ARHGAP25: variants seen among roughly 807,000 people sequenced by gnomAD.
ARHGAP25 encodes the protein rho GTPase-activating protein 25.
In ARHGAP25, 34 loss-of-function variants were observed where a neutral mutation model predicts 71.0. The ratio of observed to expected loss-of-function variants is 0.48; its 90% CI spans 0.36 to 0.64. ARHGAP25 has a LOEUF of 0.64. ARHGAP25 is among the 30% of genes least tolerant of loss of function. ARHGAP25 has a pLI of 0.00. For synonymous variants in ARHGAP25, 282 were observed against 296.5 expected (o/e 0.95, Z 0.50); for missense variants, 706 against 805.1 (o/e 0.88, Z 1.49).
At position 68,775,286 on chromosome 2, in the gene ARHGAP25, C is replaced by G; in HGVS notation, c.127C>G (p.Pro43Ala). The G allele has an allele frequency of 6.2e-7, 1 of 1,614,264 alleles. No individual in the cohort carries two copies. The highest frequency in any genetic ancestry group is 8.5e-7 in the Non-Finnish European group (1 of 1,180,052). Residue 43 changes from proline to alanine, a missense_variant, in exon 2 of 11, where the codon CCG becomes GCG. By Grantham distance (27) the Pro-to-Ala change is conservative. Transcript: ENST00000409202. ...AAFHPSSTPN[P>A]LERPIKMGWL... ...CTTCCATCCATCGTCCACCCCCAACCCGCTGGAGAGGCCCATCAAGATGGG... is the reference window on the plus strand; with the variant it reads ...CTTCCATCCATCGTCCACCCCCAACGCGCTGGAGAGGCCCATCAAGATGGG...
intron 1 of ARHGAP25, 109 bp downstream of exon 1, chr2:68,735,369 A>G (rs1359359854): frequency 8.3e-7 from 1 of 1,206,042 alleles, no homozygotes; most frequent in Non-Finnish European, 1.2e-6. Context: ...ATCTCGCAGC[A>G]AATCTGAGTT....
intron 4 of ARHGAP25, among the ~76,000 whole-genome samples, chr2:68,790,524 G>A (rs764483921): frequency 1.1e-4 from 17 of 152,176 alleles, no homozygotes; most frequent in African/African-American, 1.4e-4. Flanking sequence ...AATCTCTAAC[G>A]TGGGTTGACT....
At chr2:68,811,093 C>G (rs1680779553) in intron 5 of ARHGAP25, among the ~76,000 whole-genome samples, 1 of 152,186 alleles carries the variant, frequency 6.6e-6, no homozygotes, top group Non-Finnish European at 1.5e-5. Flanking sequence ...CTTTCAAACT[C>G]TGTTTTCTTC....
chr2:68,797,525 T>C (rs1354951383), intron 4 of ARHGAP25, among the ~76,000 whole-genome samples: 1 of 152,144 alleles, frequency 6.6e-6, no homozygotes, highest in South Asian at 2.1e-4. Flanking sequence ...TCCTCTTGCT[T>C]AGGACCTGGG....
chr2:68,784,335 G>A (rs958776271), intron 3 of ARHGAP25, among the ~76,000 whole-genome samples: 1 of 152,134 alleles, frequency 6.6e-6, no homozygotes, highest in Non-Finnish European at 1.5e-5. Flanking sequence ...TTATAACATA[G>A]AGAATTTTTA....
chr2:68,813,454 A>G lies in ARHGAP25; in HGVS notation c.807+35A>G, dbSNP rs556437091. ...TTAGAGTTAGTTGTCCTGCCTTAGA[A>G]GAAAGTGATTGGTTTTCTGGACACT... is the stretch of plus-strand genomic sequence containing the variant. On this transcript the variant is annotated intron_variant, in intron 6 of 10. Transcript: ENST00000409202. 8 of 1,598,794 alleles carry G rather than the reference A, an allele frequency of 5.0e-6. No homozygotes were observed. In the Admixed American group the frequency reaches 1.2e-4, roughly 24 times the overall value.
rs536299226 is a variant in ARHGAP25 at position 68,774,803 on chromosome 2, G to T, written c.62-418G>T. Reference sequence around the variant, plus strand: ...TCTGCAGCTGCGTGGGACTCACCCCGAGCCTTCAGAGTGAGGCATTATTTT... The same window carrying T: ...TCTGCAGCTGCGTGGGACTCACCCCTAGCCTTCAGAGTGAGGCATTATTTT... On this transcript the variant is annotated intron_variant, in intron 1 of 10. Transcript: ENST00000409202. 7.3e-5 allele frequency: 79 copies of T among 1,086,720 alleles called. 1 individual carries two copies. The African/African-American group carries it at 1.1e-3, about 15-fold the overall frequency. The allele number at this position is 1,086,720 out of a possible 1,614,324, so 67.3% of individuals were successfully genotyped here. A position where few individuals can be genotyped will look rare whatever the true frequency, so the allele number is the denominator to read the frequency against.
intron 1 of ARHGAP25, among the ~76,000 whole-genome samples, chr2:68,747,283 C>T (rs1004088754): frequency 1.3e-5 from 2 of 152,144 alleles, no homozygotes; most frequent in Non-Finnish European, 2.9e-5. Flanking sequence ...TCCTTCTCTA[C>T]CAGATCTCTT....
At chr2:68,719,070 C>T (rs1318399971) in intron 2 of ARHGAP25, among the ~76,000 whole-genome samples, 4 of 152,152 alleles carry the variant, frequency 2.6e-5, no homozygotes, top group African/African-American at 9.7e-5. Flanking sequence ...TGCACCCCAG[C>T]TCCACAGGAA....
At chr2:68,732,816 T>C (rs1052810479), upstream of ARHGAP25, among the ~76,000 whole-genome samples, 1 of 152,238 alleles carries the variant, frequency 6.6e-6, no homozygotes, top group Non-Finnish European at 1.5e-5. Context: ...TTCTTCTCTC[T>C]TGTGCTCCTT....
At chr2:68,790,494 G>C (rs527464104) in intron 4 of ARHGAP25, among the ~76,000 whole-genome samples, 191 of 152,334 alleles carry the variant, frequency 1.3e-3, no homozygotes, top group African/African-American at 4.4e-3. Context: ...TTTTGCCACA[G>C]CACATTACCA....
intron 2 of ARHGAP25, among the ~76,000 whole-genome samples, chr2:68,722,997 G>A (rs943535134): frequency 2.0e-5 from 3 of 152,148 alleles, no homozygotes; most frequent in Admixed American, 6.5e-5. Flanking sequence ...TCACCTCTCT[G>A]CTCTCTTTTT....
intron 1 of ARHGAP25, among the ~76,000 whole-genome samples, chr2:68,745,957 C>T (rs1385335687): frequency 1.3e-5 from 2 of 152,150 alleles, no homozygotes; most frequent in African/African-American, 4.8e-5. Context: ...GAACCCACTC[C>T]TTCAAGCCCT....
At chr2:68,727,668 A>T (rs1360282305) in intron 2 of ARHGAP25, among the ~76,000 whole-genome samples, 2 of 152,176 alleles carry the variant, frequency 1.3e-5, no homozygotes, top group Non-Finnish European at 2.9e-5. Flanking sequence ...CAGAAAACTG[A>T]TTTCTGCCTC....
intron 3 of ARHGAP25, among the ~76,000 whole-genome samples, chr2:68,785,734 G>T (rs370296532): frequency 1.3e-5 from 2 of 152,254 alleles, no homozygotes; most frequent in South Asian, 2.1e-4. Flanking sequence ...CCTAGAAAAG[G>T]TAACATTTGA....
rs774311887 is a variant in ARHGAP25 at position 68,813,413 on chromosome 2, G to A, written c.801G>A (p.Glu267=). 6.2e-7 allele frequency: 1 copy of A among 1,611,774 alleles called. No homozygotes were observed. Among genetic ancestry groups the A allele is most frequent in the Non-Finnish European group, 8.5e-7 (1 of 1,179,360 alleles). ...GTGGGCAGCTCACGAATGCGGATGAGGCAAAGGTTTGCATCTTAGAGTTAG... is the reference window on the plus strand; with the variant it reads ...GTGGGCAGCTCACGAATGCGGATGAAGCAAAGGTTTGCATCTTAGAGTTAG... ...LLCGQLTNAD[E]AKAQQELMKQ... Residue 267 remains glutamate (E), a synonymous_variant, in exon 6 of 11, where the codon GAG becomes GAA. Coordinates refer to ENST00000409202, the MANE Select transcript of ARHGAP25 (RefSeq NM_001007231.3).
intron 4 of ARHGAP25, among the ~76,000 whole-genome samples, chr2:68,795,350 T>C (rs1679465698): frequency 6.6e-6 from 1 of 152,138 alleles, no homozygotes; most frequent in Non-Finnish European, 1.5e-5. Context: ...TTTCTTGAGG[T>C]TTGAAGTTAG....
chr2:68,783,176 G>T (rs6546434), intron 3 of ARHGAP25, among the ~76,000 whole-genome samples: 48,771 of 152,054 alleles, frequency 0.32, 8,402 homozygotes, highest in Middle Eastern at 0.4. Context: ...CCTGACCCTG[G>T]CACTTACTAT....
At chr2:68,773,364 T>G (rs140353680) in intron 1 of ARHGAP25, among the ~76,000 whole-genome samples, 1 of 152,328 alleles carries the variant, frequency 6.6e-6, no homozygotes, top group East Asian at 1.9e-4. Flanking sequence ...GCAACATGGA[T>G]GGAGCTGGAG....
Sources: allele counts gnomAD v4.1 joint callset (sites outside exome capture counted in the v4.1 genomes callset), GRCh38; gene constraint gnomAD v4.1.1; transcripts MANE v1.5; gene names NCBI Gene and HGNC (gene_info 2026-07-23, HGNC 2026-07-21).